Variants in PDE4D observed in about 807,000 individuals in gnomAD.
The protein encoded by PDE4D is 3',5'-cyclic-AMP phosphodiesterase 4D.
In PDE4D, 24 loss-of-function variants were observed where a neutral mutation model predicts 87.4. The observed-to-expected ratio is 0.27, with a 90% CI of 0.20 to 0.39. The LOEUF (loss-of-function observed/expected upper bound fraction) is 0.39, where lower values mean the gene tolerates loss of function less well. PDE4D is among the 10% of genes least tolerant of loss of function. The pLI, the probability that PDE4D is intolerant of heterozygous loss-of-function variation, is 1.00. For missense variants in PDE4D, 714 were observed against 1,041.0 expected (o/e 0.69, Z 4.32); for synonymous variants, 384 against 383.2 (o/e 1.00, Z -0.02).
chr5:60,197,097 A>T lies in PDE4D; in HGVS notation c.-89-11410T>A, dbSNP rs1403546475. On this transcript the variant is annotated intron_variant, in intron 1 of 16. Coordinates refer to the PDE4D transcript ENST00000502484. ...GACAGTTAGATAGATAGATAGATAG[A>T]TAGATAGATAGATAGATAGATAGAT... 8.3e-5 allele frequency among the ~76,000 whole-genome samples: 12 copies of T among 145,338 alleles called. 1 individual carries two copies. The highest frequency in any genetic ancestry group is 2.8e-4 in the African/African-American group (11 of 38,834).
rs138266250 is a variant in PDE4D at position 59,532,380 on chromosome 5, T to C, written c.456-316412A>G. Among the ~76,000 whole-genome samples the C allele has an allele frequency of 6.5e-3, 986 of 152,200 alleles. 8 individuals are homozygous for C. The highest frequency in any genetic ancestry group is 0.023 in the African/African-American group (955 of 41,524). ...CTTGAACTCCTGACCTCAGGGGATC[T>C]GCCTGCCTCAGCCTCCCAAAGTGTT... On this transcript the variant is annotated intron_variant, in intron 1 of 14. Coordinates refer to ENST00000340635, the MANE Select transcript of PDE4D (RefSeq NM_001104631.2).
intron 1 of PDE4D, among the ~76,000 whole-genome samples, chr5:59,652,976 G>A (rs1446908203): frequency 6.6e-6 from 1 of 151,648 alleles, no homozygotes; most frequent in East Asian, 1.9e-4. Context: ...CAACTGTTTG[G>A]TTATGCAAAA....
At chr5:60,152,514 G>A (rs1440509574) in intron 2 of PDE4D, among the ~76,000 whole-genome samples, 10 of 151,958 alleles carry the variant, frequency 6.6e-5, no homozygotes, top group Admixed American at 2.0e-4. Flanking sequence ...TTAGCCTGGC[G>A]TGGTGGCAGG....
chr5:60,503,062 T>C (rs955575880), intron 1 of PDE4D, among the ~76,000 whole-genome samples: 1 of 152,142 alleles, frequency 6.6e-6, no homozygotes, highest in Non-Finnish European at 1.5e-5. Context: ...ACTAAGCTAC[T>C]GAAGTTGAGT....
In PDE4D at chr5:58,975,895, A is replaced by AT; in HGVS notation, c.1831-57_1831-56insA. The AT allele has an allele frequency of 9.5e-6, 12 of 1,263,412 alleles. No homozygotes were observed. The highest frequency in any genetic ancestry group is 1.3e-5 in the Non-Finnish European group (12 of 948,928). 78.3% of individuals were successfully genotyped at this position (1,263,412 alleles called of 1,614,324 possible). A position where few individuals can be genotyped will look rare whatever the true frequency, so the allele number is the denominator to read the frequency against. On this transcript the variant is annotated intron_variant, in intron 13 of 14. Transcript: ENST00000340635. The surrounding 1 kb of genome is among the most constrained non-coding windows in gnomAD (Gnocchi z 4.2). ...TCCTGTTCCTTTTTTTTAAAAAAAA[A>AT]AACAAAAAAAACTAGAAATTCACAT...
intron 1 of PDE4D, among the ~76,000 whole-genome samples, chr5:60,202,645 A>G (rs975214910): frequency 2.6e-5 from 4 of 152,116 alleles, no homozygotes; most frequent in Non-Finnish European, 4.4e-5. Flanking sequence ...GAAAATAATC[A>G]TGAATTTACA....
intron 1 of PDE4D, among the ~76,000 whole-genome samples, chr5:60,385,170 G>C (rs1465127613): frequency 6.6e-6 from 1 of 152,164 alleles, no homozygotes; most frequent in Non-Finnish European, 1.5e-5. Flanking sequence ...CCTGAGCTAA[G>C]AATTTAAGCA....
chr5:60,333,944 T>C (rs962616986), intron 1 of PDE4D, among the ~76,000 whole-genome samples: 4 of 152,316 alleles, frequency 2.6e-5, no homozygotes, highest in South Asian at 4.1e-4. Flanking sequence ...GCTTTCTTCA[T>C]GGCTGTCACA....
intron 1 of PDE4D, among the ~76,000 whole-genome samples, chr5:59,828,453 T>C (rs1378634340): frequency 1.3e-5 from 2 of 152,030 alleles, no homozygotes; most frequent in East Asian, 1.9e-4. Context: ...TTATTAAATG[T>C]TCCAAAGTAA....
chr5:59,039,819 G>C (rs145260172), intron 5 of PDE4D: 1,589 of 152,736 alleles, frequency 0.01, 6 homozygotes, highest in Non-Finnish European at 0.017. Context: ...GTGTGTGTCT[G>C]TGGGGCTGCT....
intron 2 of PDE4D, among the ~76,000 whole-genome samples, chr5:60,140,761 G>A (rs1271664837): frequency 1.3e-5 from 2 of 152,070 alleles, no homozygotes. Context: ...ACCTAACAAA[G>A]AATGGATAAT....
intron 1 of PDE4D, among the ~76,000 whole-genome samples, chr5:59,685,921 T>C (rs1450501748): frequency 4.6e-5 from 7 of 152,106 alleles, no homozygotes; most frequent in African/African-American, 1.7e-4. Flanking sequence ...TGCACAGAGT[T>C]TCAAAAATGG....
intron 5 of PDE4D, among the ~76,000 whole-genome samples, chr5:59,084,755 A>G (rs975939343): frequency 2.6e-5 from 4 of 151,960 alleles, no homozygotes; most frequent in African/African-American, 9.7e-5. Context: ...TCAACAAGAA[A>G]AAACAAATCA....
At chr5:59,764,341 G>A (rs1167574149) in intron 1 of PDE4D, among the ~76,000 whole-genome samples, 2 of 152,172 alleles carry the variant, frequency 1.3e-5, no homozygotes, top group Non-Finnish European at 2.9e-5. Context: ...ATACATAATT[G>A]TACTTAATTA....
intron 5 of PDE4D, chr5:59,166,232 A>G (rs1389487108): frequency 2.6e-5 from 4 of 152,200 alleles, no homozygotes; most frequent in African/African-American, 9.6e-5. Context: ...AACACTGTTT[A>G]GTGTGCCACA....
chr5:60,227,633 A>AGGGAGGGG (rs1817170592), intron 1 of PDE4D, among the ~76,000 whole-genome samples: 1 of 71,294 alleles, frequency 1.4e-5, no homozygotes, highest in Non-Finnish European at 2.8e-5. Context: ...GGAGGGAGGG[A>AGGGAGGGG]GGGAGGGAGG....
At chr5:59,545,210 T>G (rs1233035404) in intron 1 of PDE4D, among the ~76,000 whole-genome samples, 1 of 152,190 alleles carries the variant, frequency 6.6e-6, no homozygotes, top group Non-Finnish European at 1.5e-5. Context: ...TTATTCATCT[T>G]TTCATCTTCA....
chr5:60,055,030 T>C (rs1206917296), intron 2 of PDE4D, among the ~76,000 whole-genome samples: 2 of 152,012 alleles, frequency 1.3e-5, no homozygotes, highest in Non-Finnish European at 2.9e-5. Context: ...AAAAAAAGGT[T>C]CAATCATGTA....
chr5:58,997,217 C>A (rs1749423740), intron 6 of PDE4D, among the ~76,000 whole-genome samples: 1 of 151,946 alleles, frequency 6.6e-6, no homozygotes, highest in Admixed American at 6.6e-5. Context: ...AGTTTCAGTC[C>A]AGCAAAGCTA....
Sources: allele counts gnomAD v4.1 joint callset (sites outside exome capture counted in the v4.1 genomes callset), GRCh38; gene constraint gnomAD v4.1.1; non-coding constraint Gnocchi (gnomAD v3.1); transcripts MANE v1.5; gene names NCBI Gene and HGNC (gene_info 2026-07-23, HGNC 2026-07-21).